Variants in ZNF329 observed in about 807,000 individuals in gnomAD.
The protein encoded by ZNF329 is zinc finger protein 329.
Under a neutral mutation model 26.6 loss-of-function variants are expected in ZNF329, and 15 were observed. That is an observed-to-expected ratio of 0.56 (90% confidence interval 0.38 to 0.87). The LOEUF (loss-of-function observed/expected upper bound fraction) is 0.87, where lower values mean the gene tolerates loss of function less well. Ranked by LOEUF, ZNF329 falls within the 40% of genes least tolerant of loss-of-function variation. The pLI is 0.00. For missense variants in ZNF329, 651 were observed against 651.9 expected, an observed-to-expected ratio of 1.00 and a Z score of 0.02; for synonymous variants, 239 against 233.5, an observed-to-expected ratio of 1.02 and a Z score of -0.21.
Position 58,148,283 on chromosome 19 carries a change from G to A in ZNF329, c.-208+2469C>T, listed in dbSNP as rs564943546. 3.3e-5 allele frequency among the ~76,000 whole-genome samples: 5 copies of A among 150,010 alleles called. No individual in the cohort carries two copies. The South Asian group carries it at 1.0e-3, about 31-fold the overall frequency. ...GAAGGCCGCAGGGTCCTCTGCCTAG[G>A]AAAACCAGAGACCTTTGTTCACTTA... is the stretch of plus-strand genomic sequence containing the variant. On this transcript the variant is annotated intron_variant, in intron 1 of 3. Transcript: ENST00000598312.
chr19:58,140,628 G>C (rs182472594), intron 3 of ZNF329, among the ~76,000 whole-genome samples: 1 of 152,042 alleles, frequency 6.6e-6, no homozygotes, highest in Admixed American at 6.6e-5. Context: ...TGTTGGCCAG[G>C]ATGGTCTCGA....
intron 1 of ZNF329, among the ~76,000 whole-genome samples, chr19:58,150,360 A>G (rs976991775): frequency 6.6e-6 from 1 of 152,200 alleles, no homozygotes; most frequent in African/African-American, 2.4e-5. Context: ...CTGACAGAAA[A>G]GCTGCAGACT....
At chr19:58,145,084 C>T (rs918139943) in intron 1 of ZNF329, among the ~76,000 whole-genome samples, 10 of 140,824 alleles carry the variant, frequency 7.1e-5, no homozygotes, top group East Asian at 2.0e-4. Context: ...CTCCTGACCT[C>T]GTGACCCGCC....
At position 58,127,905 on chromosome 19, in the gene ZNF329, G is replaced by C. The variant is rs1207896115; in HGVS notation, c.1599C>G (p.His533Gln). 3 of 1,604,226 alleles carry C rather than the reference G, an allele frequency of 1.9e-6. No individual in the cohort carries two copies. Among genetic ancestry groups the C allele is most frequent in the South Asian group, 1.1e-5 (1 of 89,644 alleles). The change falls in exon 4 of 4, where the codon CAC becomes CAG. Residue 533 changes from histidine to glutamine, a missense_variant. Physicochemically the swap from His to Gln is conservative, Grantham distance 24. Transcript: ENST00000598312. ...ATGTTTCCATGGGTTGCTCTCCCAG[G>C]TGTGCTCTTTGATGTCGAACAAGGG... ...SSSLVRHQRA[H>Q]LGEQPMET
At chr19:58,144,384 A>G (rs2449633) in intron 1 of ZNF329, among the ~76,000 whole-genome samples, 16 of 75,088 alleles carry the variant, frequency 2.1e-4, no homozygotes, top group African/African-American at 8.8e-4. Flanking sequence ...ATCTATCTAT[A>G]TATATATATA....
chr19:58,146,785 A>G (rs35711932), intron 1 of ZNF329, among the ~76,000 whole-genome samples: 87,770 of 150,934 alleles, frequency 0.58, 25,552 homozygotes, highest in South Asian at 0.64. Context: ...GCTCCTAACC[A>G]CGAGTGATCC....
intron 3 of ZNF329, among the ~76,000 whole-genome samples, chr19:58,139,210 A>C (rs2075134138): frequency 6.6e-6 from 1 of 152,200 alleles, no homozygotes; most frequent in Non-Finnish European, 1.5e-5. Flanking sequence ...TGTTGAAATA[A>C]AACTTAAACA....
At position 58,144,378 on chromosome 19, in the gene ZNF329, ATC is replaced by A. The variant is rs1330912507; in HGVS notation, c.-207-1182_-207-1181del. On this transcript the variant is annotated intron_variant, in intron 1 of 3. Coordinates refer to ENST00000598312, the MANE Select transcript of ZNF329 (RefSeq NM_024620.4). ...TATCTATCTATCTATCTATCTATCT[ATC>A]TATATATATATATATATTTTTTTTT... Among the ~76,000 whole-genome samples, 84 of 70,910 alleles carry A rather than the reference ATC, an allele frequency of 1.2e-3. 1 individual carries two copies. Among genetic ancestry groups the A allele is most frequent in the East Asian group, 3.6e-3 (12 of 3,358 alleles). 46.5% of individuals were successfully genotyped at this position (70,910 alleles called of 152,430 possible). A position where few individuals can be genotyped will look rare whatever the true frequency, so the allele number is the denominator to read the frequency against.
chr19:58,135,366 G>A (rs2075041479), intron 3 of ZNF329, among the ~76,000 whole-genome samples: 1 of 152,114 alleles, frequency 6.6e-6, no homozygotes, highest in Non-Finnish European at 1.5e-5. Flanking sequence ...TACCTCCCGG[G>A]TTCAAGCAGT....
chr19:58,148,050 A>G (rs1358391052), intron 1 of ZNF329, among the ~76,000 whole-genome samples: 1 of 152,100 alleles, frequency 6.6e-6, no homozygotes, highest in Non-Finnish European at 1.5e-5. Context: ...TGTACTAAGA[A>G]AAATTCTTCT....
At chr19:58,131,884 G>A (rs1005178652) in intron 3 of ZNF329, among the ~76,000 whole-genome samples, 29 of 152,052 alleles carry the variant, frequency 1.9e-4, no homozygotes, top group Non-Finnish European at 4.0e-4. Context: ...TTAGCCAGGC[G>A]TGGTGGCGGG....
At chr19:58,155,103 T>C (rs2075521529), upstream of ZNF329, 1 of 152,352 alleles carries the variant, frequency 6.6e-6, no homozygotes, top group Admixed American at 6.5e-5. Context: ...GGACCCTCCA[T>C]TGCGCATGAG....
At chr19:58,131,631 G>A (rs1012597923) in intron 3 of ZNF329, among the ~76,000 whole-genome samples, 1 of 152,084 alleles carries the variant, frequency 6.6e-6, no homozygotes, top group Non-Finnish European at 1.5e-5. Context: ...AAGAATTACT[G>A]CCCAAGAACT....
intron 1 of ZNF329, among the ~76,000 whole-genome samples, chr19:58,146,494 T>C (rs1254629213): frequency 6.6e-6 from 1 of 150,978 alleles, no homozygotes; most frequent in Non-Finnish European, 1.5e-5. Flanking sequence ...AAGTAGGTGG[T>C]ACCTGGTCAA....
rs1424685612 is a variant in ZNF329, at chr19:58,128,130, A to G, written c.1374T>C (p.Asn458=). 1.3e-6 allele frequency: 2 copies of G among 1,593,622 alleles called. No individual in the cohort carries two copies. The highest frequency in any genetic ancestry group is 1.7e-6 in the Non-Finnish European group (2 of 1,170,220). Reference sequence around the variant, plus strand: ...TGTCCCTGAAGGCTTTGCCACACTGATTACACTCATAGGGCTTCTCACCAG... The same window carrying G: ...TGTCCCTGAAGGCTTTGCCACACTGGTTACACTCATAGGGCTTCTCACCAG... ...THTGEKPYEC[N]QCGKAFRDSS... The change falls in exon 4 of 4, where the codon AAT becomes AAC. Residue 458 remains asparagine, a synonymous_variant. Coordinates refer to ENST00000598312, the MANE Select transcript of ZNF329 (RefSeq NM_024620.4).
chr19:58,140,873 A>C (rs967442245), intron 3 of ZNF329, among the ~76,000 whole-genome samples: 4 of 89,646 alleles, frequency 4.5e-5, no homozygotes, highest in African/African-American at 1.8e-4. Flanking sequence ...CATCACACAT[A>C]ATTTTTTTTT....
chr19:58,140,833 T>C (rs2089277490), intron 3 of ZNF329, among the ~76,000 whole-genome samples: 1 of 151,536 alleles, frequency 6.6e-6, no homozygotes, highest in African/African-American at 2.4e-5. Context: ...CACCTCAGCT[T>C]CCTGAGTAGC....
chr19:58,150,090 A>C (rs74610111), intron 1 of ZNF329, among the ~76,000 whole-genome samples: 3,804 of 152,302 alleles, frequency 0.025, 163 homozygotes, highest in African/African-American at 0.086. Flanking sequence ...ATTTTATGTC[A>C]TAAAATATTG....
At chr19:58,150,201 T>C (rs1321352044) in intron 1 of ZNF329, among the ~76,000 whole-genome samples, 1 of 152,056 alleles carries the variant, frequency 6.6e-6, no homozygotes, top group Admixed American at 6.5e-5. Context: ...CACTGAGAAT[T>C]GCAGTAAAAC....
Sources: gnomAD v4.1 joint callset for allele counts (sites outside exome capture counted in the v4.1 genomes callset) on GRCh38, gnomAD v4.1.1 for gene constraint, MANE v1.5 for transcripts, NCBI Gene and HGNC (gene_info 2026-07-23, HGNC 2026-07-21) for gene names.